The following TPD52 variants were observed in gnomAD, a reference collection of about 807,000 sequenced individuals.
TPD52 encodes the protein tumor protein D52.
Under a neutral mutation model 31.3 loss-of-function variants are expected in TPD52, and 17 were observed. That is an observed-to-expected ratio of 0.54 (90% CI 0.37 to 0.82). The LOEUF is 0.82. TPD52 is among the 40% of genes least tolerant of loss of function. The pLI is 0.00. For missense variants in TPD52, 212 were observed against 240.1 expected (o/e 0.88, Z 0.77); for synonymous variants, 83 against 89.6 (o/e 0.93, Z 0.42).
At chr8:80,033,547 T>C (rs1809747911), downstream of TPD52, among the ~76,000 whole-genome samples, 1 of 152,050 alleles carries the variant, frequency 6.6e-6, no homozygotes, top group African/African-American at 2.4e-5. Flanking sequence ...TCACCACTCT[T>C]CTCTCCTGCA....
intron 1 of TPD52, among the ~76,000 whole-genome samples, chr8:80,108,331 A>C (rs1807274099): frequency 6.6e-6 from 1 of 152,196 alleles, no homozygotes; most frequent in Non-Finnish European, 1.5e-5. Context: ...AAAGTTTAAA[A>C]CTTTTTGAAA....
intron 6 of TPD52, among the ~76,000 whole-genome samples, chr8:80,043,707 G>A (rs1452328794): frequency 6.6e-6 from 1 of 152,220 alleles, no homozygotes; most frequent in Non-Finnish European, 1.5e-5. Flanking sequence ...TCTCTAGAGA[G>A]GTTAGGTGAG....
chr8:80,105,008 T>C (rs1184834688), intron 1 of TPD52, among the ~76,000 whole-genome samples: 3 of 152,110 alleles, frequency 2.0e-5, no homozygotes, highest in Admixed American at 6.5e-5. Context: ...TGCAGTGAGC[T>C]GAGATGTGCC....
chr8:80,106,299 G>A lies in TPD52; in HGVS notation c.20-41706C>T, dbSNP rs151250798. The stretch of plus-strand genomic sequence containing the variant: ...TTTTTAAATGTACAATTAAGTTATC[G>A]TTGACTGTAGTCACCCTGTTGTGCT... On this transcript the variant is annotated intron_variant, in intron 1 of 7. Coordinates refer to ENST00000518937, the MANE Select transcript of TPD52 (RefSeq NM_001025253.3). Among the ~76,000 whole-genome samples, 717 of 152,170 alleles carry A rather than the reference G, an allele frequency of 4.7e-3. 4 individuals carry two copies. The highest frequency in any genetic ancestry group is 4.9e-3 in the Non-Finnish European group (330 of 68,002).
chr8:80,107,896 T>A (rs934147073), intron 1 of TPD52, among the ~76,000 whole-genome samples: 21 of 152,350 alleles, frequency 1.4e-4, no homozygotes, highest in African/African-American at 4.6e-4. Context: ...GTGTTGGCTC[T>A]GCTAGATGTT....
chr8:80,146,847 T>G (rs747254014), intron 1 of TPD52, among the ~76,000 whole-genome samples: 5 of 152,318 alleles, frequency 3.3e-5, no homozygotes, highest in Middle Eastern at 3.4e-3. Context: ...AACACAAGCA[T>G]GACAGCATTT....
chr8:80,143,778 T>C (rs1273813058), intron 1 of TPD52, among the ~76,000 whole-genome samples: 1 of 152,234 alleles, frequency 6.6e-6, no homozygotes. Flanking sequence ...AATGATTTGA[T>C]AGTTCCATTG....
At chr8:80,154,723 AC>A (rs1810811748) in intron 1 of TPD52, among the ~76,000 whole-genome samples, 1 of 145,516 alleles carries the variant, frequency 6.9e-6, no homozygotes, top group Non-Finnish European at 1.5e-5. Context: ...ACACACACAC[AC>A]ACACACACAC....
At chr8:80,082,060 G>A (rs552407412) in intron 1 of TPD52, among the ~76,000 whole-genome samples, 5 of 151,506 alleles carry the variant, frequency 3.3e-5, no homozygotes, top group South Asian at 4.2e-4. Flanking sequence ...CGCCTGCCTC[G>A]GCCTCCCAAA....
At chr8:80,171,260 C>A in intron 1 of TPD52, 165 bp downstream of exon 1, 1 of 889,328 alleles carries the variant, frequency 1.1e-6, no homozygotes, top group Non-Finnish European at 1.8e-6. Context: ...TCCAGGGCCC[C>A]AGGATGCCAG....
intron 1 of TPD52, among the ~76,000 whole-genome samples, chr8:80,087,472 AATTT>A (rs1295103794): frequency 2.6e-5 from 4 of 152,202 alleles, no homozygotes; most frequent in African/African-American, 9.7e-5. Context: ...TCCTTCTGTA[AATTT>A]GAAAAGGGCT....
intron 2 of TPD52, among the ~76,000 whole-genome samples, chr8:80,054,915 G>A (rs1377446785): frequency 2.6e-5 from 4 of 152,184 alleles, no homozygotes; most frequent in Admixed American, 2.0e-4. Context: ...AGTGGAATAC[G>A]AGAAGAAAAG....
chr8:80,152,756 G>C (rs1471170211), intron 1 of TPD52, among the ~76,000 whole-genome samples: 2 of 141,882 alleles, frequency 1.4e-5, no homozygotes, highest in Admixed American at 7.2e-5. Context: ...ACTCCAGCCT[G>C]GGCGAAAGTG....
chr8:80,118,898 C>T (rs1402497954), intron 1 of TPD52, among the ~76,000 whole-genome samples: 7 of 152,168 alleles, frequency 4.6e-5, no homozygotes, highest in African/African-American at 1.7e-4. Flanking sequence ...TACTGTATTA[C>T]CCCATAATTG....
intron 1 of TPD52, among the ~76,000 whole-genome samples, chr8:80,072,317 A>ATGTGTGTGTGTGTG (rs146024001): frequency 0.064 from 7,731 of 121,338 alleles, 706 homozygotes; most frequent in East Asian, 0.077. Context: ...AAAAACATAT[A>ATGTGTGTGTGTGTG]TGTGTGTGTG....
intron 7 of TPD52, among the ~76,000 whole-genome samples, chr8:80,039,409 A>G (rs1335416635): frequency 6.6e-6 from 1 of 150,972 alleles, no homozygotes. Context: ...CTTGTTCTAC[A>G]TCCAATCAAT....
Position 80,038,008 on chromosome 8 carries a change from T to G in TPD52, c.*108A>C. ...ATTTGGTCAAAGGAATATGTAAAGC[T>G]AAATAAAAGCACATCTGGTAGAAAT... is the stretch of plus-strand genomic sequence containing the variant. On this transcript the variant is annotated 3_prime_UTR_variant, in exon 8 of 8. Transcript: ENST00000518937. The G allele has an allele frequency of 2.0e-6, 3 of 1,483,160 alleles. No individual in the cohort carries two copies. The highest frequency in any genetic ancestry group is 2.7e-6 in the Non-Finnish European group (3 of 1,093,830). 91.9% of individuals were successfully genotyped at this position (1,483,160 alleles called of 1,614,324 possible). A position where few individuals can be genotyped will look rare whatever the true frequency, so the allele number is the denominator to read the frequency against.
Position 80,050,237 on chromosome 8 carries a change from CA to C in TPD52, c.413+207del, listed in dbSNP as rs552483998. On this transcript the variant is annotated intron_variant, in intron 5 of 7. Coordinates refer to ENST00000518937, the MANE Select transcript of TPD52 (RefSeq NM_001025253.3). The stretch of plus-strand genomic sequence containing the variant: ...TTCCATATCCCTTGAACCACAGTGT[CA>C]AATACTTCTTTTAATTTATCAACTA... The C allele has an allele frequency of 3.0e-3, 1,274 of 422,512 alleles. 24 individuals carry two copies. Among genetic ancestry groups the C allele is most frequent in the Non-Finnish European group, 2.2e-4 (52 of 238,318 alleles). 26.2% of individuals were successfully genotyped at this position (422,512 alleles called of 1,614,324 possible).
At chr8:80,052,272 G>C (rs1390202360) in intron 3 of TPD52, among the ~76,000 whole-genome samples, 2 of 152,084 alleles carry the variant, frequency 1.3e-5, no homozygotes, top group East Asian at 1.9e-4. Flanking sequence ...CTCCTTCCCA[G>C]CTACCTGGAG....
Sources: allele counts gnomAD v4.1 joint callset (sites outside exome capture counted in the v4.1 genomes callset), GRCh38; gene constraint gnomAD v4.1.1; transcripts MANE v1.5; gene names NCBI Gene and HGNC (gene_info 2026-07-23, HGNC 2026-07-21).